The following TMEM26 variants were observed in gnomAD, a reference collection of about 807,000 sequenced individuals.
TMEM26 encodes transmembrane protein 26.
Under a neutral mutation model 28.8 loss-of-function variants are expected in TMEM26, and 38 were observed. The ratio of observed to expected loss-of-function variants is 1.32; its 90% CI spans 1.02 to 1.73. TMEM26 has a LOEUF of 1.73. Among genes scored for constraint, TMEM26 ranks in the 40% most tolerant of loss-of-function variants. The pLI, the probability that TMEM26 is intolerant of heterozygous loss-of-function variation, is 0.00. For synonymous variants in TMEM26, 227 were observed against 182.9 expected (o/e 1.24, Z -1.95); for missense variants, 518 against 447.1 (o/e 1.16, Z -1.43).
chr10:61,429,043 A>G lies in TMEM26; in HGVS notation c.488T>C (p.Leu163Pro). Residue 163 changes from leucine (L) to proline (P), a missense_variant, in exon 4 of 6, where the codon CTA becomes CCA. Leu to Pro is a moderately conservative substitution (Grantham distance 98). Transcript: ENST00000399298. Reference sequence around the variant, plus strand: ...TCGAGTGATCCCGCCTCCAATGGGTAGAAGCCATCTTCCAATTATTAGCAT... The same window carrying G: ...TCGAGTGATCCCGCCTCCAATGGGTGGAAGCCATCTTCCAATTATTAGCAT... ...LLMLIIGRWL[L>P]PIGGGITRDQ... 4.3e-6 allele frequency: 7 copies of G among 1,613,444 alleles called. No individual in the cohort carries two copies. Among genetic ancestry groups the G allele is most frequent in the Non-Finnish European group, 5.9e-6 (7 of 1,179,492 alleles).
chr10:61,424,664 T>C (rs1839800849), intron 4 of TMEM26, among the ~76,000 whole-genome samples: 1 of 152,192 alleles, frequency 6.6e-6, no homozygotes, highest in Admixed American at 6.5e-5. Context: ...CAATATCCAA[T>C]TTCAAAACAC....
chr10:61,437,085 A>T (rs772337058), intron 1 of TMEM26, among the ~76,000 whole-genome samples: 1 of 152,172 alleles, frequency 6.6e-6, no homozygotes, highest in Non-Finnish European at 1.5e-5. Context: ...GAGATTAAGG[A>T]GCCAGAAGAG....
intron 4 of TMEM26, among the ~76,000 whole-genome samples, chr10:61,419,219 T>C (rs1296190136): frequency 6.6e-6 from 1 of 151,954 alleles, no homozygotes; most frequent in Non-Finnish European, 1.5e-5. Context: ...TAATACATTA[T>C]CCAAAATGCC....
chr10:61,407,417 T>C lies in TMEM26; in HGVS notation c.*2905A>G, dbSNP rs1222913954. 6.6e-6 allele frequency: 1 copy of C among 152,142 alleles called. No individual in the cohort carries two copies. The allele number at this position is 152,142 out of a possible 1,614,324, so 9.4% of individuals were successfully genotyped here. On this transcript the variant is annotated 3_prime_UTR_variant, in exon 6 of 6. Coordinates refer to ENST00000399298, the MANE Select transcript of TMEM26 (RefSeq NM_178505.8). ...CTCTTCACTGGAAGATTATAAAGCA[T>C]GTTATTGGCCAATTCAAAATTTTAT...
At chr10:61,414,146 A>T in intron 4 of TMEM26, 2 of 714,374 alleles carry the variant, frequency 2.8e-6, no homozygotes, top group Non-Finnish European at 3.4e-6. Flanking sequence ...GATACAACAT[A>T]TATTTATGGA....
chr10:61,406,844 A>G lies in TMEM26; in HGVS notation c.*3478T>C, dbSNP rs1255811352. ...CATTGTTTAAAGTTACTCCCTGCAT[A>G]TGGAAACTTATTTGAAGCCTCAAAG... On this transcript the variant is annotated 3_prime_UTR_variant, in exon 6 of 6. Coordinates refer to ENST00000399298, the MANE Select transcript of TMEM26 (RefSeq NM_178505.8). The G allele has an allele frequency of 1.3e-5, 2 of 152,086 alleles. No individual in the cohort carries two copies. The highest frequency in any genetic ancestry group is 4.8e-5 in the African/African-American group (2 of 41,426). The allele number at this position is 152,086 out of a possible 1,614,324, so 9.4% of individuals were successfully genotyped here. A position where few individuals can be genotyped will look rare whatever the true frequency, so the allele number is the denominator to read the frequency against.
chr10:61,412,832 T>C lies in TMEM26; in HGVS notation c.682+627A>G, dbSNP rs1036397227. The stretch of plus-strand genomic sequence containing the variant: ...GGTTGGTGGGTCCCCTGTTGAACAA[T>C]GCAGCCCTAGATTATTGCTAGTATA... On this transcript the variant is annotated intron_variant, in intron 5 of 5. Coordinates refer to ENST00000399298, the MANE Select transcript of TMEM26 (RefSeq NM_178505.8). 2.5e-5 allele frequency: 17 copies of C among 668,004 alleles called. No individual in the cohort carries two copies. The African/African-American group carries it at 2.7e-4, about 11-fold the overall frequency. 41.4% of individuals were successfully genotyped at this position (668,004 alleles called of 1,614,324 possible). A position where few individuals can be genotyped will look rare whatever the true frequency, so the allele number is the denominator to read the frequency against.
chr10:61,410,680 T>C lies in TMEM26; in HGVS notation c.749A>G (p.Tyr250Cys), dbSNP rs1480230315. 1.9e-6 allele frequency: 3 copies of C among 1,614,006 alleles called. No homozygotes were observed. The highest frequency in any genetic ancestry group is 2.7e-5 in the African/African-American group (2 of 74,912). The change falls in exon 6 of 6, where the codon TAC (tyrosine) becomes TGC (cysteine). Residue 250 changes from tyrosine (Y) to cysteine (C), a missense_variant. Tyr to Cys is a radical substitution (Grantham distance 194). Transcript: ENST00000399298. ...RGFPSLFFCQ[Y>C]SADLWNIGIS... ...TCCGATGTTCCACAGATCGGCACTG[T>C]ACTGGCAAAAGAACAGGCTGGGGAA... is the stretch of plus-strand genomic sequence containing the variant.
intron 4 of TMEM26, among the ~76,000 whole-genome samples, chr10:61,426,486 A>G (rs1289523517): frequency 6.6e-6 from 1 of 152,126 alleles, no homozygotes; most frequent in Non-Finnish European, 1.5e-5. Context: ...GTAAATCCAT[A>G]AAACTTAGGT....
chr10:61,416,559 T>G (rs997238282), intron 4 of TMEM26, among the ~76,000 whole-genome samples: 1 of 152,032 alleles, frequency 6.6e-6, no homozygotes, highest in Non-Finnish European at 1.5e-5. Context: ...CACAAGCTAT[T>G]ATGGTAGATC....
chr10:61,429,174 G>A (rs1404853943), intron 3 of TMEM26, 28 bp from the exon 4 acceptor site: 1 of 1,578,304 alleles, frequency 6.3e-7, no homozygotes, highest in Admixed American at 1.7e-5. Flanking sequence ...CATACAGACA[G>A]GATTATCAGC....
intron 4 of TMEM26, among the ~76,000 whole-genome samples, chr10:61,422,697 C>T (rs143080729): frequency 8.0e-4 from 121 of 151,552 alleles, no homozygotes; most frequent in African/African-American, 2.7e-3. Flanking sequence ...ATAGAGGAGA[C>T]GAAAGGTCTC....
chr10:61,449,129 C>A (rs1840232503), intron 1 of TMEM26, among the ~76,000 whole-genome samples: 1 of 151,926 alleles, frequency 6.6e-6, no homozygotes, highest in Non-Finnish European at 1.5e-5. Flanking sequence ...ATTAAATATG[C>A]AGGTGAAATA....
intron 5 of TMEM26, among the ~76,000 whole-genome samples, chr10:61,411,944 A>T (rs917025007): frequency 6.6e-6 from 1 of 152,254 alleles, no homozygotes; most frequent in African/African-American, 2.4e-5. Context: ...TTTTTCAAAC[A>T]GCTGCATAAC....
chr10:61,453,129 C>T lies in TMEM26; in HGVS notation c.-48G>A, dbSNP rs761050896. On this transcript the variant is annotated 5_prime_UTR_variant, in exon 1 of 6. Transcript: ENST00000399298. ...CGTCCCCTTGCCTGCGCCCCCAGGACCCTGCCGGGCGTGCCCGGAGCCCAC... is the reference window on the plus strand; with the variant it reads ...CGTCCCCTTGCCTGCGCCCCCAGGATCCTGCCGGGCGTGCCCGGAGCCCAC... The T allele has an allele frequency of 2.5e-6, 4 of 1,580,346 alleles. No homozygotes were observed. The highest frequency in any genetic ancestry group is 3.4e-6 in the Non-Finnish European group (4 of 1,160,330).
At position 61,416,167 on chromosome 10, in the gene TMEM26, A is replaced by G. The variant is rs1444203760; in HGVS notation, c.606-2632T>C. 12 of 429,264 alleles carry G rather than the reference A, an allele frequency of 2.8e-5. No individual in the cohort carries two copies. In the East Asian group the frequency reaches 5.7e-4, roughly 20 times the overall value. 26.6% of individuals were successfully genotyped at this position (429,264 alleles called of 1,614,324 possible). ...AGGATATTTTCACAAGGTTTTTTCA[A>G]TAGATGCAAAAGAAATTTTTCACAA... is the stretch of plus-strand genomic sequence containing the variant. On this transcript the variant is annotated intron_variant, in intron 4 of 5. Transcript: ENST00000399298.
chr10:61,419,207 T>C (rs1396541507), intron 4 of TMEM26, among the ~76,000 whole-genome samples: 1 of 152,054 alleles, frequency 6.6e-6, no homozygotes, highest in Non-Finnish European at 1.5e-5. Context: ...ATAACATGGT[T>C]ATAATACATT....
At chr10:61,419,749 A>C (rs1839712209) in intron 4 of TMEM26, among the ~76,000 whole-genome samples, 1 of 152,124 alleles carries the variant, frequency 6.6e-6, no homozygotes, top group Admixed American at 6.6e-5. Flanking sequence ...GAAAGATAGA[A>C]AAGAGAGGAG....
chr10:61,444,860 TC>T (rs911146454), intron 1 of TMEM26, among the ~76,000 whole-genome samples: 1 of 151,954 alleles, frequency 6.6e-6, no homozygotes, highest in Non-Finnish European at 1.5e-5. Context: ...AGCTGTAGCT[TC>T]CCCATCTGCA....
Sources: allele counts gnomAD v4.1 joint callset (sites outside exome capture counted in the v4.1 genomes callset), GRCh38; gene constraint gnomAD v4.1.1; transcripts MANE v1.5; gene names NCBI Gene and HGNC (gene_info 2026-07-23, HGNC 2026-07-21).